The following CSMD3 variants were observed in gnomAD, a reference collection of about 807,000 sequenced individuals.
The protein encoded by CSMD3 is CUB and Sushi multiple domains 3, also known as CUB and sushi domain-containing protein 3.
In CSMD3, 177 loss-of-function variants were observed where a neutral mutation model predicts 435.2. The ratio of observed to expected loss-of-function variants is 0.41; its 90% CI spans 0.36 to 0.46. The LOEUF is 0.46. Among genes scored for constraint, CSMD3 ranks in the 20% least tolerant of loss-of-function variants. CSMD3 has a pLI of 0.34. For missense variants in CSMD3, 4,265 were observed against 4,504.6 expected (o/e 0.95, Z 1.52); for synonymous variants, 1,656 against 1,520.5 (o/e 1.09, Z -2.07).
intron 22 of CSMD3, among the ~76,000 whole-genome samples, chr8:112,614,645 T>C (rs1375598758): frequency 6.6e-6 from 1 of 152,080 alleles, no homozygotes; most frequent in East Asian, 1.9e-4. Flanking sequence ...CTTTTTATTT[T>C]TAGAATTTCT....
intron 5 of CSMD3, among the ~76,000 whole-genome samples, chr8:113,020,224 G>A (rs2086640115): frequency 6.7e-6 from 1 of 149,922 alleles, no homozygotes. Context: ...TTAGAGGCCT[G>A]ATCCAATGGA....
intron 9 of CSMD3, among the ~76,000 whole-genome samples, chr8:112,929,774 G>C (rs1564116462): frequency 6.6e-6 from 1 of 151,972 alleles, no homozygotes; most frequent in Non-Finnish European, 1.5e-5. Flanking sequence ...GCGTTAGAAA[G>C]TAACATGAAA....
intron 16 of CSMD3, among the ~76,000 whole-genome samples, chr8:112,671,765 A>G (rs1324040081): frequency 6.6e-6 from 1 of 152,078 alleles, no homozygotes; most frequent in Non-Finnish European, 1.5e-5. Flanking sequence ...TTATTTTTCC[A>G]AAAGAAATGT....
intron 27 of CSMD3, among the ~76,000 whole-genome samples, chr8:112,522,869 G>A (rs1824445462): frequency 6.6e-6 from 1 of 151,660 alleles, no homozygotes; most frequent in Admixed American, 6.6e-5. Context: ...TAATTTCACT[G>A]GAAATATGCA....
chr8:112,318,948 C>G lies in CSMD3; in HGVS notation c.7249G>C (p.Asp2417His), dbSNP rs1202786219. ...LTEDDEFEIG[D>H]IIRYQCLPGF... ...GGAAGACACTGATACCTAATAATATCACCTATTAAACAAAAGAGGGGAGGT... is the reference window on the plus strand; with the variant it reads ...GGAAGACACTGATACCTAATAATATGACCTATTAAACAAAAGAGGGGAGGT... Residue 2417 changes from aspartate (D) to histidine (H), a missense_variant and splice_region_variant, in exon 47 of 71, where the codon GAT (aspartate) becomes CAT (histidine). Around this residue, in one of 3 missense-constraint regions of CSMD3, gnomAD observed 3,255 missense variants for 3,380.2 expected, o/e 0.96. Transcript: ENST00000297405. 1 of 1,581,922 alleles carries G rather than the reference C, an allele frequency of 6.3e-7. No individual in the cohort carries two copies. The highest frequency in any genetic ancestry group is 8.7e-7 in the Non-Finnish European group (1 of 1,152,874).
At chr8:112,857,827 C>G (rs1391951046) in intron 11 of CSMD3, among the ~76,000 whole-genome samples, 1 of 151,534 alleles carries the variant, frequency 6.6e-6, no homozygotes, top group Admixed American at 6.6e-5. Flanking sequence ...GTTTTCCAAG[C>G]ACTTCATGTT....
chr8:112,615,127 T>C lies in CSMD3; in HGVS notation c.3715+21690A>G, dbSNP rs140546417. Among the ~76,000 whole-genome samples, 257 of 152,268 alleles carry C rather than the reference T, an allele frequency of 1.7e-3. 3 individuals are homozygous for C. Among genetic ancestry groups the C allele is most frequent in the African/African-American group, 5.9e-3 (247 of 41,562 alleles). ...TAGAACCAATGACAATTTTTAAGTC[T>C]GTATTTCGTGAACAAATTTTGAGCT... On this transcript the variant is annotated intron_variant, in intron 22 of 70. Coordinates refer to ENST00000297405, the MANE Select transcript of CSMD3 (RefSeq NM_198123.2).
chr8:113,344,652 C>T (rs1458072401), intron 1 of CSMD3, among the ~76,000 whole-genome samples: 2 of 151,994 alleles, frequency 1.3e-5, no homozygotes, highest in African/African-American at 4.8e-5. Flanking sequence ...CAAGTATAGT[C>T]GATATTGTGC....
At position 112,247,020 on chromosome 8, in the gene CSMD3, G is replaced by T. The variant is rs374312553; in HGVS notation, c.10222C>A (p.Pro3408Thr). Residue 3408 changes from proline (P) to threonine (T), a missense_variant and splice_region_variant, in exon 64 of 71, where the codon CCC becomes ACC. Coordinates refer to ENST00000297405, the MANE Select transcript of CSMD3 (RefSeq NM_198123.2). ...TWSGIQPECI[P>T]HSCKQPETPA... ...ATTATTTCTTATCCATAATACTTACGTATGCATTCAGGCTGAATCCCACTC... is the reference window on the plus strand; with the variant it reads ...ATTATTTCTTATCCATAATACTTACTTATGCATTCAGGCTGAATCCCACTC... The T allele has an allele frequency of 1.3e-6, 2 of 1,597,590 alleles. No homozygotes were observed. The highest frequency in any genetic ancestry group is 1.7e-6 in the Non-Finnish European group (2 of 1,165,096).
chr8:112,295,594 A>G (rs530426886), intron 54 of CSMD3, among the ~76,000 whole-genome samples: 3 of 151,714 alleles, frequency 2.0e-5, no homozygotes, highest in East Asian at 3.9e-4. Flanking sequence ...TTATATATTT[A>G]TATTAAATAT....
At chr8:112,758,153 G>C (rs1318214252) in intron 13 of CSMD3, among the ~76,000 whole-genome samples, 1 of 151,688 alleles carries the variant, frequency 6.6e-6, no homozygotes. Context: ...AGGAGTTCAA[G>C]ACCAGCCTGG....
chr8:112,283,788 CTA>C (rs1477173887), intron 58 of CSMD3, among the ~76,000 whole-genome samples: 2 of 151,448 alleles, frequency 1.3e-5, no homozygotes, highest in African/African-American at 2.4e-5. Flanking sequence ...TACATTAGTT[CTA>C]TGTTTAAGAT....
chr8:112,598,114 A>G (rs1399919783), intron 22 of CSMD3, among the ~76,000 whole-genome samples: 1 of 147,292 alleles, frequency 6.8e-6, no homozygotes, highest in Non-Finnish European at 1.5e-5. Context: ...TATATCTAGA[A>G]AACCCCATTG....
chr8:113,050,112 G>C (rs1237764671), intron 5 of CSMD3, among the ~76,000 whole-genome samples: 1 of 151,930 alleles, frequency 6.6e-6, no homozygotes, highest in African/African-American at 2.4e-5. Flanking sequence ...ATTTAAAATA[G>C]ATATTTAAAC....
At chr8:112,996,804 A>C (rs929953193) in intron 6 of CSMD3, among the ~76,000 whole-genome samples, 2 of 151,702 alleles carry the variant, frequency 1.3e-5, no homozygotes, top group Admixed American at 1.3e-4. Flanking sequence ...ATTATTCTAG[A>C]TTATAAAAAT....
At chr8:113,121,982 C>A (rs1395107241) in intron 4 of CSMD3, among the ~76,000 whole-genome samples, 5 of 152,020 alleles carry the variant, frequency 3.3e-5, no homozygotes, top group African/African-American at 9.7e-5. Context: ...AAAGGTACCC[C>A]TTTACGTAGT....
intron 2 of CSMD3, among the ~76,000 whole-genome samples, chr8:113,287,271 C>A (rs866883279): frequency 2.0e-5 from 3 of 151,864 alleles, no homozygotes; most frequent in Admixed American, 6.6e-5. Flanking sequence ...GTTCAACAGT[C>A]CTTAAAAATG....
intron 13 of CSMD3, among the ~76,000 whole-genome samples, chr8:112,783,052 G>A (rs555051298): frequency 6.6e-6 from 1 of 151,948 alleles, no homozygotes; most frequent in Non-Finnish European, 1.5e-5. Flanking sequence ...AGAAAAACAC[G>A]GTAATTGTGG....
At chr8:112,847,666 A>C (rs1352540131) in intron 11 of CSMD3, among the ~76,000 whole-genome samples, 2 of 152,170 alleles carry the variant, frequency 1.3e-5, no homozygotes, top group Non-Finnish European at 2.9e-5. Flanking sequence ...CTGAGGTTTC[A>C]GACCTGGCAC....
Sources: allele counts gnomAD v4.1 joint callset (sites outside exome capture counted in the v4.1 genomes callset), GRCh38; gene constraint gnomAD v4.1.1; regional missense constraint gnomAD v4.1.1; transcripts MANE v1.5; gene names NCBI Gene and HGNC (gene_info 2026-07-23, HGNC 2026-07-21).